The following CHRDL2 variants were observed in gnomAD, a reference collection of about 807,000 sequenced individuals.
CHRDL2 encodes the protein chordin-like protein 2.
CHRDL2 carries 41 observed loss-of-function variants against 54.3 expected under a neutral mutation model. The observed-to-expected ratio is 0.76, with a 90% confidence interval of 0.59 to 0.98. The LOEUF (loss-of-function observed/expected upper bound fraction) is 0.98, where lower values mean the gene tolerates loss of function less well. Ranked by LOEUF, CHRDL2 falls within the 50% of genes least tolerant of loss-of-function variation. The probability of loss-of-function intolerance (pLI) is 0.00; values close to 1 mark genes in which losing one functional copy is unlikely to be tolerated. For synonymous variants in CHRDL2, 220 were observed against 224.3 expected, an observed-to-expected ratio of 0.98 and a Z score of 0.17; for missense variants, 518 against 562.4, an observed-to-expected ratio of 0.92 and a Z score of 0.80.
At chr11:74,728,843 A>G (rs1427333522) in intron 1 of CHRDL2, among the ~76,000 whole-genome samples, 1 of 152,176 alleles carries the variant, frequency 6.6e-6, no homozygotes, top group Non-Finnish European at 1.5e-5. Flanking sequence ...ACATTCTCCA[A>G]TGAGTGCCAG....
intron 1 of CHRDL2, among the ~76,000 whole-genome samples, chr11:74,726,544 C>T (rs1481009745): frequency 6.6e-6 from 1 of 152,156 alleles, no homozygotes; most frequent in South Asian, 2.1e-4. Flanking sequence ...CTCTGTACTA[C>T]ACCTCCCAGG....
rs1055178124 is a variant in CHRDL2 at position 74,710,913 on chromosome 11, A to C, written c.368T>G (p.Ile123Ser). The change falls in exon 4 of 11, where the codon ATC becomes AGC. Residue 123 changes from isoleucine to serine, a missense_variant. Physicochemically the swap from Ile to Ser is moderately radical, Grantham distance 142. Transcript: ENST00000376332. ...HNGTMYQHGEIFSAHELFPSR... is the reference protein window; with the variant it reads ...HNGTMYQHGESFSAHELFPSR... Reference sequence around the variant, plus strand: ...GGGGAACAGCTCATGGGCACTGAAGATCTCTCCGTGTTGGTACATGGTCCC... The same window carrying C: ...GGGGAACAGCTCATGGGCACTGAAGCTCTCTCCGTGTTGGTACATGGTCCC... 5 of 1,614,056 alleles carry C rather than the reference A, an allele frequency of 3.1e-6. No homozygotes were observed. Among genetic ancestry groups the C allele is most frequent in the Non-Finnish European group, 4.2e-6 (5 of 1,180,002 alleles).
At chr11:74,702,741 G>C in intron 9 of CHRDL2, 53 bp downstream of exon 9, 1 of 1,599,816 alleles carries the variant, frequency 6.3e-7, no homozygotes, top group Non-Finnish European at 8.6e-7. Context: ...TCTGGGGCAC[G>C]GGAAGGGGGA....
intron 1 of CHRDL2, among the ~76,000 whole-genome samples, chr11:74,725,530 C>G (rs1256859091): frequency 6.6e-6 from 1 of 152,186 alleles, no homozygotes; most frequent in Non-Finnish European, 1.5e-5. Context: ...ACGCATAAGT[C>G]AAAATTTCCA....
In CHRDL2 at chr11:74,731,181, G is replaced by A; in HGVS notation, c.-293C>T. 1 of 369,726 alleles carries A rather than the reference G, an allele frequency of 2.7e-6. No individual in the cohort carries two copies. 22.9% of individuals were successfully genotyped at this position (369,726 alleles called of 1,614,324 possible). ...AGAGGCGATCAAAGAAAGGGGGAAG[G>A]TGAGAGGGAGAGGAGGAGAAAGCAG... On this transcript the variant is annotated 5_prime_UTR_variant, in exon 1 of 11. Transcript: ENST00000376332. The surrounding 1 kb of genome is among the most constrained non-coding windows in gnomAD (Gnocchi z 4.4).
At chr11:74,700,643 A>ATTTT (rs10661880) in intron 9 of CHRDL2, among the ~76,000 whole-genome samples, 4,705 of 135,858 alleles carry the variant, frequency 0.035, 104 homozygotes, top group Middle Eastern at 0.052. Flanking sequence ...TATTATTATT[A>ATTTT]TTTTTTTTTT....
intron 4 of CHRDL2, 126 bp downstream of exon 4, chr11:74,710,723 T>G: frequency 1.6e-6 from 2 of 1,257,980 alleles, no homozygotes; most frequent in East Asian, 5.4e-5. Context: ...ATATTCCCTT[T>G]CCCCTGAGCC....
intron 5 of CHRDL2, among the ~76,000 whole-genome samples, chr11:74,706,845 C>T (rs2135247314): frequency 6.6e-6 from 1 of 152,302 alleles, no homozygotes. Context: ...TTGTTTGGTC[C>T]TTACTGAAAC....
intron 2 of CHRDL2, among the ~76,000 whole-genome samples, chr11:74,714,250 C>T (rs535020858): frequency 5.9e-5 from 9 of 152,214 alleles, no homozygotes; most frequent in Middle Eastern, 3.4e-3. Flanking sequence ...CCTGTGTCAC[C>T]GATTCAACCA....
intron 4 of CHRDL2, among the ~76,000 whole-genome samples, chr11:74,709,503 GA>G (rs2135252923): frequency 6.6e-6 from 1 of 152,330 alleles, no homozygotes; most frequent in African/African-American, 2.4e-5. Context: ...GCATTTCTAT[GA>G]ACCTGGTGAC....
At chr11:74,722,924 T>C (rs1381710271) in intron 1 of CHRDL2, among the ~76,000 whole-genome samples, 1 of 152,000 alleles carries the variant, frequency 6.6e-6, no homozygotes, top group Non-Finnish European at 1.5e-5. Flanking sequence ...ACGGAGGTCT[T>C]TGAGAGCCTG....
chr11:74,711,038 T>C (rs1176478088), intron 3 of CHRDL2, 47 bp from the exon 4 acceptor site: 3 of 1,573,444 alleles, frequency 1.9e-6, no homozygotes, highest in East Asian at 2.3e-5. Flanking sequence ...AGGTTTCATG[T>C]GAATCTTTGC....
chr11:74,703,087 C>G, intron 8 of CHRDL2, 120 bp from the exon 9 acceptor site: 1 of 1,120,416 alleles, frequency 8.9e-7, no homozygotes. Flanking sequence ...TCTATGTTAA[C>G]AACCTCTGAA....
intron 5 of CHRDL2, among the ~76,000 whole-genome samples, chr11:74,707,615 C>T (rs2034052637): frequency 6.6e-6 from 1 of 152,226 alleles, no homozygotes; most frequent in African/African-American, 2.4e-5. Context: ...CTGTACTAGA[C>T]CCCTCTCACG....
intron 7 of CHRDL2, 78 bp from the exon 8 acceptor site, chr11:74,703,577 G>A: frequency 7.5e-7 from 1 of 1,328,678 alleles, no homozygotes; most frequent in African/African-American, 1.5e-5. Flanking sequence ...AGCGGGTGGG[G>A]TGGGCCCTTG....
intron 1 of CHRDL2, among the ~76,000 whole-genome samples, chr11:74,728,036 C>T (rs1164227392): frequency 6.6e-6 from 1 of 152,116 alleles, no homozygotes; most frequent in Non-Finnish European, 1.5e-5. Flanking sequence ...AATTGGTGTT[C>T]AACCTGTGGC....
chr11:74,716,724 T>C (rs1483015078), intron 2 of CHRDL2, among the ~76,000 whole-genome samples: 2 of 151,846 alleles, frequency 1.3e-5, no homozygotes, highest in Non-Finnish European at 2.9e-5. Flanking sequence ...AGTCTCTGTA[T>C]GTCTGTCAAT....
chr11:74,705,883 G>C (rs958675786), intron 6 of CHRDL2, among the ~76,000 whole-genome samples: 8 of 152,106 alleles, frequency 5.3e-5, no homozygotes, highest in Admixed American at 5.2e-4. Context: ...CTAGTCTCCC[G>C]GAGACCAGGA....
chr11:74,710,223 A>G (rs901665470), intron 4 of CHRDL2, among the ~76,000 whole-genome samples: 19 of 152,010 alleles, frequency 1.2e-4, no homozygotes, highest in Admixed American at 1.2e-3. Flanking sequence ...CTCAAAAAAA[A>G]AAAAAAAAAA....
Sources: gnomAD v4.1 joint callset for allele counts (sites outside exome capture counted in the v4.1 genomes callset) on GRCh38, gnomAD v4.1.1 for gene constraint, Gnocchi (gnomAD v3.1) non-coding constraint, MANE v1.5 for transcripts, NCBI Gene and HGNC (gene_info 2026-07-23, HGNC 2026-07-21) for gene names.